The following OXCT1 variants were observed in gnomAD, a reference collection of about 807,000 sequenced individuals.
OXCT1 encodes the protein succinyl-CoA:3-ketoacid coenzyme A transferase 1, mitochondrial.
In OXCT1, 27 loss-of-function variants were observed where a neutral mutation model predicts 69.6. That is an observed-to-expected ratio of 0.39 (90% CI 0.29 to 0.54). OXCT1 has a LOEUF of 0.54. OXCT1 is among the 20% of genes least tolerant of loss of function. The probability of loss-of-function intolerance (pLI) is 0.72; values close to 1 mark genes in which losing one functional copy is unlikely to be tolerated. For synonymous variants in OXCT1, 202 were observed against 217.8 expected (o/e 0.93, Z 0.64); for missense variants, 437 against 650.2 (o/e 0.67, Z 3.57).
intron 13 of OXCT1, among the ~76,000 whole-genome samples, chr5:41,766,267 G>A (rs557223119): frequency 2.6e-4 from 39 of 152,020 alleles, no homozygotes; most frequent in Non-Finnish European, 4.6e-4. Context: ...TAGCAATGCC[G>A]CATGCTCCAT....
intron 11 of OXCT1, 90 bp from the exon 12 acceptor site, chr5:41,794,839 A>G: frequency 7.1e-7 from 1 of 1,401,856 alleles, no homozygotes; most frequent in East Asian, 2.3e-5. Context: ...CTCCATTCCC[A>G]AAAGAACTTA....
chr5:41,807,404 G>A lies in OXCT1; in HGVS notation c.767C>T (p.Pro256Leu). The change falls in exon 8 of 17, where the codon CCA becomes CTA. Residue 256 changes from proline (P) to leucine (L), a missense_variant. Physicochemically the swap from Pro to Leu is moderately conservative, Grantham distance 98 (BLOSUM62 -3). Around this residue, in one of 4 missense-constraint regions of OXCT1, gnomAD observed 252 missense variants for 397.4 expected, o/e 0.63. Coordinates refer to ENST00000196371, the MANE Select transcript of OXCT1 (RefSeq NM_000436.4). ...AATCTGAGGAATATGGATGTCTTCT[G>A]GAGCAAATGCTCCAATATCCACAAT... The part of the protein sequence containing the change: ...EEIVDIGAFA[P>L]EDIHIPQIYV... 2 of 1,605,824 alleles carry A rather than the reference G, an allele frequency of 1.2e-6. No individual in the cohort carries two copies. Among genetic ancestry groups the A allele is most frequent in the Non-Finnish European group, 1.7e-6 (2 of 1,173,174 alleles).
In OXCT1 at chr5:41,730,465, A is replaced by G. The variant is rs1579613284; in HGVS notation, c.*1264T>C. 6.6e-6 allele frequency: 1 copy of G among 152,216 alleles called. No individual in the cohort carries two copies. Among genetic ancestry groups the G allele is most frequent in the East Asian group, 1.9e-4 (1 of 5,198 alleles). The allele number at this position is 152,216 out of a possible 1,614,324, so 9.4% of individuals were successfully genotyped here. ...CCATCATCACCTAAAAACATGAATAAGTTTGTATATTTAGGACCAGAGGAA... is the reference window on the plus strand; with the variant it reads ...CCATCATCACCTAAAAACATGAATAGGTTTGTATATTTAGGACCAGAGGAA... On this transcript the variant is annotated 3_prime_UTR_variant, in exon 17 of 17. Transcript: ENST00000196371.
intron 13 of OXCT1, 123 bp downstream of exon 13, chr5:41,793,880 T>G: frequency 1.4e-6 from 1 of 690,122 alleles, no homozygotes; most frequent in South Asian, 1.8e-5. Context: ...TTGATTCTAG[T>G]AAGAAATATA....
At chr5:41,772,995 G>A (rs1054068507) in intron 13 of OXCT1, among the ~76,000 whole-genome samples, 1 of 152,124 alleles carries the variant, frequency 6.6e-6, no homozygotes, top group Non-Finnish European at 1.5e-5. Flanking sequence ...GAATGCTGAA[G>A]CACAATGTCA....
chr5:41,753,522 G>T (rs1157692188), intron 14 of OXCT1, among the ~76,000 whole-genome samples: 2 of 151,966 alleles, frequency 1.3e-5, no homozygotes, highest in African/African-American at 4.8e-5. Flanking sequence ...GATTCAAACG[G>T]CAACACCCTT....
intron 5 of OXCT1, among the ~76,000 whole-genome samples, chr5:41,846,501 T>C (rs1179187152): frequency 6.7e-6 from 1 of 149,688 alleles, no homozygotes; most frequent in African/African-American, 2.5e-5. Context: ...ATGGTGTATA[T>C]GTGCCACATT....
At chr5:41,745,222 A>C (rs1366646895) in intron 15 of OXCT1, among the ~76,000 whole-genome samples, 2 of 152,186 alleles carry the variant, frequency 1.3e-5, no homozygotes, top group African/African-American at 4.8e-5. Context: ...CAGTGCAATC[A>C]AACTAGAACT....
chr5:41,860,611 G>T (rs1385763627), intron 3 of OXCT1, among the ~76,000 whole-genome samples: 1 of 152,094 alleles, frequency 6.6e-6, no homozygotes, highest in African/African-American at 2.4e-5. Context: ...TTTATAATTG[G>T]CTAAAATGCC....
At chr5:41,823,846 G>A (rs569978300) in intron 7 of OXCT1, among the ~76,000 whole-genome samples, 179 of 152,236 alleles carry the variant, frequency 1.2e-3, no homozygotes, top group South Asian at 8.1e-3. Context: ...TCCTAAATGT[G>A]AAGGTTCTCA....
chr5:41,742,197 A>G (rs1473258776), intron 15 of OXCT1, among the ~76,000 whole-genome samples: 6 of 152,246 alleles, frequency 3.9e-5, no homozygotes, highest in Non-Finnish European at 7.3e-5. Flanking sequence ...AATCTTAATT[A>G]GATATATTAG....
chr5:41,865,999 T>C (rs1431331791), intron 1 of OXCT1, among the ~76,000 whole-genome samples: 1 of 148,068 alleles, frequency 6.8e-6, no homozygotes. Flanking sequence ...ATGGCATACA[T>C]GGTGTTTTTA....
chr5:41,784,372 A>T (rs1447383505), intron 13 of OXCT1, among the ~76,000 whole-genome samples: 1 of 152,216 alleles, frequency 6.6e-6, no homozygotes, highest in Non-Finnish European at 1.5e-5. Context: ...AAGAACAAAC[A>T]TGCAAATGGT....
intron 7 of OXCT1, among the ~76,000 whole-genome samples, chr5:41,819,738 A>G (rs1209013026): frequency 6.6e-6 from 1 of 151,502 alleles, no homozygotes; most frequent in Admixed American, 6.6e-5. Flanking sequence ...AGAAATCATG[A>G]CTGTAAGTTT....
At chr5:41,831,275 C>T (rs189845696) in intron 7 of OXCT1, among the ~76,000 whole-genome samples, 8 of 152,278 alleles carry the variant, frequency 5.3e-5, no homozygotes, top group East Asian at 3.9e-4. Context: ...GGCCTCTGCA[C>T]GCACTACTCA....
intron 3 of OXCT1, 75 bp from the exon 4 acceptor site, chr5:41,853,629 C>CTT (rs1432482605): frequency 6.7e-7 from 1 of 1,482,898 alleles, no homozygotes; most frequent in Non-Finnish European, 9.3e-7. Context: ...AGAGATAAAA[C>CTT]TTTGTTAATT....
At position 41,853,544 on chromosome 5, in the gene OXCT1, A is replaced by C; in HGVS notation, c.289T>G (p.Phe97Val). The change falls in exon 4 of 17, where the codon TTT (phenylalanine) becomes GTT (valine). Residue 97 changes from phenylalanine to valine, a missense_variant. Transcript: ENST00000196371. ...AVSNNAGVDN[F>V]GLGLLLRSKQ... is the part of the protein sequence containing the mutation. ...GACCGAAGCAAAAGCCCCAAACCAAAATTGTCAACCCTAGAAGGAAAATGA... is the reference window on the plus strand; with the variant it reads ...GACCGAAGCAAAAGCCCCAAACCAACATTGTCAACCCTAGAAGGAAAATGA... 1 of 1,613,940 alleles carries C rather than the reference A, an allele frequency of 6.2e-7. No homozygotes were observed. Among genetic ancestry groups the C allele is most frequent in the South Asian group, 1.1e-5 (1 of 91,078 alleles).
intron 13 of OXCT1, among the ~76,000 whole-genome samples, chr5:41,787,474 A>G (rs1190317031): frequency 1.3e-5 from 2 of 152,020 alleles, no homozygotes; most frequent in Admixed American, 1.3e-4. Flanking sequence ...GGCAACTACA[A>G]TTTGAGATCT....
In OXCT1 at chr5:41,782,825, C is replaced by T. The variant is rs547433916; in HGVS notation, c.1248+11178G>A. On this transcript the variant is annotated intron_variant, in intron 13 of 16. Transcript: ENST00000196371. ...TTCCCCTGTGTAGTGGAAAGAGCAT[C>T]CCTACAAAACTACAGACAGAAGAGA... Among the ~76,000 whole-genome samples, 71 of 152,158 alleles carry T rather than the reference C, an allele frequency of 4.7e-4. 2 individuals are homozygous for T. In the South Asian group the frequency reaches 0.015, roughly 31 times the overall value.
Sources: gnomAD v4.1 joint callset for allele counts (sites outside exome capture counted in the v4.1 genomes callset) on GRCh38, gnomAD v4.1.1 for gene constraint, gnomAD v4.1.1 regional missense constraint, MANE v1.5 for transcripts, NCBI Gene and HGNC (gene_info 2026-07-23, HGNC 2026-07-21) for gene names.